Variants in ZNF23 observed in about 807,000 individuals in gnomAD.
ZNF23 encodes zinc finger protein 23.
Under a neutral mutation model 56.2 loss-of-function variants are expected in ZNF23, and 48 were observed. The observed-to-expected ratio is 0.85, with a 90% CI of 0.68 to 1.09. The LOEUF (loss-of-function observed/expected upper bound fraction) is 1.09. ZNF23 is among the 50% of genes least tolerant of loss of function. The probability of loss-of-function intolerance (pLI) is 0.00; values close to 1 mark genes in which losing one functional copy is unlikely to be tolerated. For missense variants in ZNF23, 805 were observed against 811.4 expected (o/e 0.99, Z 0.10); for synonymous variants, 266 against 283.3 (o/e 0.94, Z 0.61).
rs2042944752 is a variant in ZNF23, at chr16:71,448,852, G to A, written c.1302C>T (p.Pro434=). The change falls in exon 5 of 5, where the codon CCC becomes CCT. Residue 434 remains proline (P), a synonymous_variant. Coordinates refer to ENST00000647773, the MANE Select transcript of ZNF23 (RefSeq NM_001381984.1). Reference sequence around the variant, plus strand: ...CTTTTCCACATTCAGTGCATTCATAGGGTTTCTCACCTGTGTGGATTCTCT... The same window carrying A: ...CTTTTCCACATTCAGTGCATTCATAAGGTTTCTCACCTGTGTGGATTCTCT... ...QHQRIHTGEK[P]YECTECGKAF... The A allele has an allele frequency of 1.9e-6, 3 of 1,614,052 alleles. No individual in the cohort carries two copies. Among genetic ancestry groups the A allele is most frequent in the Non-Finnish European group, 2.5e-6 (3 of 1,180,042 alleles).
chr16:71,451,500 G>A (rs912248227), intron 4 of ZNF23: 4 of 152,226 alleles, frequency 2.6e-5, no homozygotes, highest in African/African-American at 7.2e-5. Context: ...TCAGGAGGTT[G>A]AGCTATGGCA....
chr16:71,455,395 C>T (rs139203257), intron 2 of ZNF23, among the ~76,000 whole-genome samples: 4 of 152,158 alleles, frequency 2.6e-5, no homozygotes, highest in African/African-American at 9.6e-5. Context: ...CTCGCTCTGT[C>T]ACCCAGGCTG....
In ZNF23 at chr16:71,449,266, C is replaced by T. The variant is rs765355287; in HGVS notation, c.888G>A (p.Gln296=). Residue 296 remains glutamine, a synonymous_variant, in exon 5 of 5, where the codon CAG becomes CAA. Transcript: ENST00000647773. ...TGAAGGCCTTCCCACACATCTTACA[C>T]TGATAGGGCTTCTCCCCACTGTGGA... The part of the protein sequence containing the change: ...QTIHSGEKPY[Q]CKMCGKAFSV... 1.9e-6 allele frequency: 3 copies of T among 1,614,126 alleles called. No individual in the cohort carries two copies. In the South Asian group the frequency reaches 3.3e-5, roughly 18 times the overall value.
At position 71,458,793 on chromosome 16, in the gene ZNF23, G is replaced by A. The variant is rs144021737; in HGVS notation, c.-32-1965C>T. On this transcript the variant is annotated intron_variant, in intron 1 of 4. Coordinates refer to ENST00000647773, the MANE Select transcript of ZNF23 (RefSeq NM_001381984.1). ...AAAATCAGCTGGCACCTTGATCCTG[G>A]ACTTCCAGTCTCCAGGACTGTGAGA... is the stretch of plus-strand genomic sequence containing the variant. 1.0e-3 allele frequency among the ~76,000 whole-genome samples: 154 copies of A among 152,314 alleles called. 3 individuals are homozygous for A. Among genetic ancestry groups the A allele is most frequent in the Middle Eastern group, 3.4e-3 (1 of 294 alleles).
chr16:71,454,301 G>A lies in ZNF23; in HGVS notation c.34-133C>T, dbSNP rs1172496870. 11 of 1,214,652 alleles carry A rather than the reference G, an allele frequency of 9.1e-6. No homozygotes were observed. In the Admixed American group the frequency reaches 2.2e-4, roughly 24 times the overall value. The allele number at this position is 1,214,652 out of a possible 1,614,324, so 75.2% of individuals were successfully genotyped here. A position where few individuals can be genotyped will look rare whatever the true frequency, so the allele number is the denominator to read the frequency against. On this transcript the variant is annotated intron_variant, in intron 2 of 4. Coordinates refer to ENST00000647773, the MANE Select transcript of ZNF23 (RefSeq NM_001381984.1). ...AAATTAGTATTAACAACAAGGGGAA[G>A]ATCTCAGAAAAAAAATATCGAGAAA...
At position 71,453,256 on chromosome 16, in the gene ZNF23, C is replaced by T. The variant is rs141642326; in HGVS notation, c.255G>A (p.Gln85=). The change falls in exon 4 of 5, where the codon CAG becomes CAA. Residue 85 remains glutamine, a synonymous_variant. Transcript: ENST00000647773. ...SSPLAAGTGL[Q]GLQTVDIQTD... ...TACCTCCCTTACCAGTCTGGAGGCC[C>T]TGGAGGCCTGTTCCTGCAGCCAGTG... is the stretch of plus-strand genomic sequence containing the variant. 1 of 1,607,344 alleles carries T rather than the reference C, an allele frequency of 6.2e-7. No individual in the cohort carries two copies. Among genetic ancestry groups the T allele is most frequent in the South Asian group, 1.1e-5 (1 of 89,430 alleles).
In ZNF23 at chr16:71,448,058, A is replaced by G; in HGVS notation, c.*35T>C. On this transcript the variant is annotated 3_prime_UTR_variant, in exon 5 of 5. Coordinates refer to ENST00000647773, the MANE Select transcript of ZNF23 (RefSeq NM_001381984.1). ...CTGATGATACTTGATCCATTTTGGC[A>G]TTAACCTTAAGAGTTTTCTATATCT... The G allele has an allele frequency of 6.6e-7, 1 of 1,517,784 alleles. No individual in the cohort carries two copies. Among genetic ancestry groups the G allele is most frequent in the Non-Finnish European group, 8.9e-7 (1 of 1,128,430 alleles). The allele number at this position is 1,517,784 out of a possible 1,614,324, so 94.0% of individuals were successfully genotyped here.
intron 1 of ZNF23, among the ~76,000 whole-genome samples, chr16:71,458,514 A>G (rs959387034): frequency 6.6e-6 from 1 of 152,132 alleles, no homozygotes; most frequent in African/African-American, 2.4e-5. Flanking sequence ...TGCCAAATTC[A>G]TATGTTGAAG....
intron 1 of ZNF23, among the ~76,000 whole-genome samples, chr16:71,457,980 G>A (rs2043302585): frequency 6.6e-6 from 1 of 152,136 alleles, no homozygotes; most frequent in African/African-American, 2.4e-5. Flanking sequence ...CTGCCCCCCA[G>A]TATCCTGCCC....
In ZNF23 at chr16:71,454,274, C is replaced by A; in HGVS notation, c.34-106G>T. 4.3e-6 allele frequency: 6 copies of A among 1,393,692 alleles called. No homozygotes were observed. The South Asian group carries it at 4.8e-5, about 11-fold the overall frequency. 86.3% of individuals were successfully genotyped at this position (1,393,692 alleles called of 1,614,324 possible). On this transcript the variant is annotated intron_variant, in intron 2 of 4. Transcript: ENST00000647773. ...CTTGGGGAGGGTGCTTGTGAGAGCA[C>A]AAAATTAGTATTAACAACAAGGGGA...
chr16:71,454,570 C>T (rs1193384513), intron 2 of ZNF23, among the ~76,000 whole-genome samples: 2 of 152,138 alleles, frequency 1.3e-5, no homozygotes, highest in East Asian at 3.9e-4. Context: ...CACCCATCGC[C>T]CTCATCCTCA....
rs746409406 is a variant in ZNF23, at chr16:71,449,769, G to A, written c.385C>T (p.Leu129=). Residue 129 remains leucine, a synonymous_variant, in exon 5 of 5, where the codon CTA becomes TTA. Transcript: ENST00000647773. The part of the protein sequence containing the change: ...QETDFSEASL[L]EKQQEVHSAG... Reference sequence around the variant, plus strand: ...GAGTGGACTTCCTGTTGTTTCTCTAGAAGAGAGGCTTCTGAAAAGTCTGTT... The same window carrying A: ...GAGTGGACTTCCTGTTGTTTCTCTAAAAGAGAGGCTTCTGAAAAGTCTGTT... 1 of 1,614,044 alleles carries A rather than the reference G, an allele frequency of 6.2e-7. No individual in the cohort carries two copies. Among genetic ancestry groups the A allele is most frequent in the Non-Finnish European group, 8.5e-7 (1 of 1,180,018 alleles).
Position 71,448,831 on chromosome 16 carries a change from T to C in ZNF23, c.1323A>G (p.Gly441=), listed in dbSNP as rs1287141026. The C allele has an allele frequency of 1.9e-6, 3 of 1,614,086 alleles. No individual in the cohort carries two copies. The highest frequency in any genetic ancestry group is 2.5e-6 in the Non-Finnish European group (3 of 1,180,028). The part of the protein sequence containing the change: ...GEKPYECTEC[G]KAFSVKGKLI... ...ACTTCCCTTTGACACTGAAGGCTTT[T>C]CCACATTCAGTGCATTCATAGGGTT... Residue 441 remains glycine (G), a synonymous_variant, in exon 5 of 5, where the codon GGA becomes GGG. Coordinates refer to ENST00000647773, the MANE Select transcript of ZNF23 (RefSeq NM_001381984.1).
intron 4 of ZNF23, chr16:71,450,174 A>G (rs778134757): frequency 8.2e-6 from 2 of 243,636 alleles, no homozygotes; most frequent in Non-Finnish European, 7.8e-6. Context: ...GTAAAGAAAA[A>G]TATAAAAGAC....
chr16:71,455,359 A>T (rs540579473), intron 2 of ZNF23, among the ~76,000 whole-genome samples: 4 of 147,972 alleles, frequency 2.7e-5, no homozygotes, highest in Admixed American at 6.8e-5. Context: ...TGTCCGAAAG[A>T]TTTTTTTTTT....
intron 3 of ZNF23, 123 bp from the exon 4 acceptor site, chr16:71,453,473 C>T: frequency 1.4e-6 from 1 of 705,876 alleles, no homozygotes; most frequent in South Asian, 1.8e-5. Context: ...AGGTCCCAAG[C>T]CTCAGGACTA....
Position 71,448,232 on chromosome 16 carries a change from C to G in ZNF23, c.1922G>C (p.Ser641Thr). 1 of 1,614,248 alleles carries G rather than the reference C, an allele frequency of 6.2e-7. No individual in the cohort carries two copies. The highest frequency in any genetic ancestry group is 8.5e-7 in the Non-Finnish European group (1 of 1,180,048). The change falls in exon 5 of 5, where the codon AGC (serine) becomes ACC (threonine). Residue 641 changes from serine to threonine, a missense_variant. Ser to Thr is a moderately conservative substitution (Grantham distance 58). Transcript: ENST00000647773. The stretch of plus-strand genomic sequence containing the variant: ...ATGTATAATGTAGTCAGAACTAAAG[C>G]TGAAGCCTTTGCCACATTCCACACA... ...FRCVECGKGF[S>T]FSSDYIIHQT...
chr16:71,451,455 C>A (rs1027183859), intron 4 of ZNF23: 1 of 152,174 alleles, frequency 6.6e-6, no homozygotes, highest in African/African-American at 2.4e-5. Context: ...CCCACAAATT[C>A]ATATTCTGAA....
chr16:71,461,860 T>C (rs1317069447), intron 1 of ZNF23: 1 of 152,306 alleles, frequency 6.6e-6, no homozygotes, highest in Non-Finnish European at 1.5e-5. Flanking sequence ...AAAAGACTTG[T>C]GGTATCACCT....
Sources: gnomAD v4.1 joint callset for allele counts (sites outside exome capture counted in the v4.1 genomes callset) on GRCh38, gnomAD v4.1.1 for gene constraint, MANE v1.5 for transcripts, NCBI Gene and HGNC (gene_info 2026-07-23, HGNC 2026-07-21) for gene names.